The following SREK1 variants were observed in gnomAD, a reference collection of about 807,000 sequenced individuals.
SREK1 encodes the protein splicing regulatory glutamic acid and lysine rich protein 1.
Under a neutral mutation model 66.5 loss-of-function variants are expected in SREK1, and 13 were observed. The observed-to-expected ratio is 0.20, with a 90% CI of 0.13 to 0.31. The LOEUF (loss-of-function observed/expected upper bound fraction) is 0.31, where lower values mean the gene tolerates loss of function less well. SREK1 is among the 10% of genes least tolerant of loss of function. SREK1 has a pLI of 1.00. For missense variants in SREK1, 607 were observed against 769.6 expected (o/e 0.79, Z 2.50); for synonymous variants, 265 against 263.5 (o/e 1.01, Z -0.05).
chr5:66,180,507 G>T lies in SREK1; in HGVS notation c.*1639G>T, dbSNP rs1042884318. ...TAAGATTGAAACTTTAGTATTTAGT[G>T]GGGAATGGAAAGAGTTGCCCTTGTT... On this transcript the variant is annotated 3_prime_UTR_variant, in exon 12 of 12. Transcript: ENST00000334121. 6.6e-6 allele frequency: 1 copy of T among 152,486 alleles called. No homozygotes were observed. The allele number at this position is 152,486 out of a possible 1,614,324, so 9.4% of individuals were successfully genotyped here. A position where few individuals can be genotyped will look rare whatever the true frequency, so the allele number is the denominator to read the frequency against.
chr5:66,160,179 A>C (rs1345019234), intron 3 of SREK1, among the ~76,000 whole-genome samples: 3 of 152,090 alleles, frequency 2.0e-5, no homozygotes, highest in African/African-American at 7.2e-5. Flanking sequence ...TTGCTTAAAA[A>C]ACTCTGGCCA....
Position 66,178,712 on chromosome 5 carries a change from A to G in SREK1, c.1726-7A>G. 6.3e-7 allele frequency: 1 copy of G among 1,588,890 alleles called. No homozygotes were observed. Among genetic ancestry groups the G allele is most frequent in the Non-Finnish European group, 8.6e-7 (1 of 1,165,876 alleles). ...TATTAAATGCATACCTTAATTACTC[A>G]TTGTAGGAGAAAGAGCACAATAAAG... On this transcript the variant is annotated splice_polypyrimidine_tract_variant and splice_region_variant and intron_variant, in intron 11 of 11. Transcript: ENST00000334121.
chr5:66,144,500 C>T lies in SREK1; in HGVS notation c.124C>T (p.Leu42=), dbSNP rs1440193881. 1.9e-6 allele frequency: 3 copies of T among 1,553,940 alleles called. No homozygotes were observed. The highest frequency in any genetic ancestry group is 3.9e-5 in the Admixed American group (2 of 51,454). Reference sequence around the variant, plus strand: ...GCAGATGCGGACGCTTTTTTCCTTCCTAGGAGAAATCGAGGAGCTGCGGCT... The same window carrying T: ...GCAGATGCGGACGCTTTTTTCCTTCTTAGGAGAAATCGAGGAGCTGCGGCT... The part of the protein sequence containing the change: ...SEQMRTLFSF[L]GEIEELRLYP... Residue 42 remains leucine, a synonymous_variant, in exon 1 of 12, where the codon CTA becomes TTA. Transcript: ENST00000334121.
At chr5:66,175,164 C>A in intron 10 of SREK1, 123 bp downstream of exon 10, 1 of 760,480 alleles carries the variant, frequency 1.3e-6, no homozygotes, top group Non-Finnish European at 2.0e-6. Flanking sequence ...ATGCATTATT[C>A]AGAAATTAAA....
intron 1 of SREK1, 128 bp downstream of exon 1, chr5:66,144,665 G>A (rs1192776758): frequency 5.7e-6 from 8 of 1,409,112 alleles, no homozygotes; most frequent in South Asian, 3.0e-5. Context: ...TTACCTTGGT[G>A]CCCATATTTG....
rs1746628605 is a variant in SREK1 at position 66,183,125 on chromosome 5, G to C, written c.*4257G>C. The C allele has an allele frequency of 6.6e-6, 1 of 152,120 alleles. No homozygotes were observed. The highest frequency in any genetic ancestry group is 2.4e-5 in the African/African-American group (1 of 41,416). 9.4% of individuals were successfully genotyped at this position (152,120 alleles called of 1,614,324 possible). ...ATTTTAAAATTGCCAACTTTTGGGA[G>C]ATTTCACATATTTTACCTCTATATT... is the stretch of plus-strand genomic sequence containing the variant. On this transcript the variant is annotated 3_prime_UTR_variant, in exon 12 of 12. Transcript: ENST00000334121.
intron 10 of SREK1, among the ~76,000 whole-genome samples, chr5:66,176,819 G>T (rs1433831619): frequency 6.6e-6 from 1 of 151,926 alleles, no homozygotes; most frequent in Non-Finnish European, 1.5e-5. Flanking sequence ...ATTGATTTCT[G>T]TATATTTATT....
intron 1 of SREK1, among the ~76,000 whole-genome samples, chr5:66,152,740 A>T (rs1426231626): frequency 6.6e-6 from 1 of 152,168 alleles, no homozygotes; most frequent in African/African-American, 2.4e-5. Context: ...GTAATTATGG[A>T]TAGGCTGACA....
intron 8 of SREK1, 69 bp from the exon 9 acceptor site, chr5:66,170,514 AAG>A (rs764118257): frequency 5.3e-5 from 80 of 1,504,532 alleles, no homozygotes; most frequent in East Asian, 9.0e-5. Context: ...GTAATTGTTG[AAG>A]AGAGAGAGGT....
rs1349140500 is a variant in SREK1, at chr5:66,179,374, T to C, written c.*506T>C. On this transcript the variant is annotated 3_prime_UTR_variant, in exon 12 of 12. Coordinates refer to ENST00000334121, the MANE Select transcript of SREK1 (RefSeq NM_001077199.3). ...GTATGTAAGAAGTTTTAACATTTAC[T>C]TCACAGGACTTGTGATTGTGTTAAA... 6.6e-6 allele frequency: 1 copy of C among 152,560 alleles called. No homozygotes were observed. The highest frequency in any genetic ancestry group is 1.5e-5 in the Non-Finnish European group (1 of 67,990). 9.5% of individuals were successfully genotyped at this position (152,560 alleles called of 1,614,324 possible).
At position 66,179,888 on chromosome 5, in the gene SREK1, C is replaced by T. The variant is rs1291437004; in HGVS notation, c.*1020C>T. 1 of 152,640 alleles carries T rather than the reference C, an allele frequency of 6.6e-6. No homozygotes were observed. Among genetic ancestry groups the T allele is most frequent in the South Asian group, 2.1e-4 (1 of 4,826 alleles). The allele number at this position is 152,640 out of a possible 1,614,324, so 9.5% of individuals were successfully genotyped here. Reference sequence around the variant, plus strand: ...GTGTGTAAGTGATATGTCAGAAGAGCTTCTTACTGATTTCACCTAAAATGA... The same window carrying T: ...GTGTGTAAGTGATATGTCAGAAGAGTTTCTTACTGATTTCACCTAAAATGA... On this transcript the variant is annotated 3_prime_UTR_variant, in exon 12 of 12. Coordinates refer to ENST00000334121, the MANE Select transcript of SREK1 (RefSeq NM_001077199.3).
intron 5 of SREK1, 100 bp downstream of exon 5, chr5:66,162,692 A>G (rs1463568491): frequency 3.6e-5 from 41 of 1,142,004 alleles, no homozygotes; most frequent in Admixed American, 8.6e-5. Flanking sequence ...GTAATTGGCA[A>G]TTTGTGGAAA....
intron 6 of SREK1, 149 bp downstream of exon 6, chr5:66,164,071 T>G: frequency 2.1e-6 from 2 of 935,720 alleles, no homozygotes; most frequent in Non-Finnish European, 3.1e-6. Flanking sequence ...CATACTCATG[T>G]CAAAGAACAA....
intron 10 of SREK1, among the ~76,000 whole-genome samples, chr5:66,176,741 G>C (rs10051294): frequency 0.055 from 8,388 of 151,984 alleles, 808 homozygotes; most frequent in African/African-American, 0.19. Context: ...TGTTGTTGTT[G>C]CTGTTGGAAA....
At chr5:66,158,977 AT>A in intron 2 of SREK1, 2 of 1,353,930 alleles carry the variant, frequency 1.5e-6, no homozygotes, top group Non-Finnish European at 1.9e-6. Context: ...ACATTATTCA[AT>A]TTTTAAAATA....
chr5:66,161,232 A>G (rs1744734271), intron 3 of SREK1, among the ~76,000 whole-genome samples: 1 of 152,188 alleles, frequency 6.6e-6, no homozygotes, highest in Non-Finnish European at 1.5e-5. Flanking sequence ...TTCAATGACC[A>G]AGGTACAGTT....
intron 2 of SREK1, 147 bp from the exon 3 acceptor site, chr5:66,159,072 A>G: frequency 7.0e-7 from 1 of 1,422,626 alleles, no homozygotes; most frequent in Non-Finnish European, 9.2e-7. Context: ...GGAAAGACTT[A>G]AGTTCTTATT....
At chr5:66,157,376 A>G (rs1009172483) in intron 2 of SREK1, 13 of 982,860 alleles carry the variant, frequency 1.3e-5, no homozygotes, top group Non-Finnish European at 1.6e-5. Context: ...AGGACAAGTA[A>G]TATTAAATTT....
At chr5:66,156,260 T>TTTTTTG (rs769428488) in intron 2 of SREK1, 37 of 1,312,880 alleles carry the variant, frequency 2.8e-5, no homozygotes, top group Middle Eastern at 2.0e-4. Flanking sequence ...TTTTGTCCCT[T>TTTTTTG]TTTTTGTTTT....
Sources: allele counts gnomAD v4.1 joint callset (sites outside exome capture counted in the v4.1 genomes callset), GRCh38; gene constraint gnomAD v4.1.1; transcripts MANE v1.5; gene names NCBI Gene and HGNC (gene_info 2026-07-23, HGNC 2026-07-21).